Variants in SOX5 observed in about 807,000 individuals in gnomAD.
The protein encoded by SOX5 is transcription factor SOX-5.
In SOX5, 9 loss-of-function variants were observed where a neutral mutation model predicts 92.0. That is an observed-to-expected ratio of 0.10 (90% CI 0.06 to 0.17). SOX5 has a LOEUF of 0.17. Ranked by LOEUF, SOX5 falls within the 10% of genes least tolerant of loss-of-function variation. SOX5 has a pLI of 1.00. For missense variants in SOX5, 642 were observed against 944.5 expected (o/e 0.68, Z 4.20); for synonymous variants, 344 against 336.3 (o/e 1.02, Z -0.25).
At chr12:24,153,705 A>G (rs1003708916) in intron 4 of SOX5, among the ~76,000 whole-genome samples, 2 of 152,142 alleles carry the variant, frequency 1.3e-5, no homozygotes, top group African/African-American at 4.8e-5. Context: ...GACAGTAAAC[A>G]TACATCAACA....
chr12:23,921,457 G>C (rs561604340), intron 1 of SOX5, among the ~76,000 whole-genome samples: 1 of 151,964 alleles, frequency 6.6e-6, no homozygotes, highest in Non-Finnish European at 1.5e-5. Context: ...AAAAGAATTT[G>C]GTATTCCAAT....
intron 3 of SOX5, among the ~76,000 whole-genome samples, chr12:24,259,846 G>A (rs570554108): frequency 6.6e-6 from 1 of 152,258 alleles, no homozygotes; most frequent in South Asian, 2.1e-4. Flanking sequence ...GTATATCTTA[G>A]ATTCCATAAT....
chr12:24,351,280 A>G (rs1275560994), intron 2 of SOX5, among the ~76,000 whole-genome samples: 3 of 152,208 alleles, frequency 2.0e-5, no homozygotes, highest in Admixed American at 6.5e-5. Flanking sequence ...TCTGTACTTT[A>G]TCATCTGTAC....
chr12:23,678,118 T>A (rs1409291252), intron 6 of SOX5, among the ~76,000 whole-genome samples: 1 of 152,158 alleles, frequency 6.6e-6, no homozygotes, highest in Non-Finnish European at 1.5e-5. Flanking sequence ...CCATGGTAGA[T>A]GTTTCTTGAG....
chr12:23,732,529 G>C (rs2093430482), intron 6 of SOX5, among the ~76,000 whole-genome samples: 1 of 152,164 alleles, frequency 6.6e-6, no homozygotes, highest in Admixed American at 6.5e-5. Context: ...TTTGTTGCCT[G>C]AAAGGGTTTT....
At chr12:23,800,740 C>T (rs907393887) in intron 3 of SOX5, among the ~76,000 whole-genome samples, 6 of 152,002 alleles carry the variant, frequency 3.9e-5, no homozygotes, top group African/African-American at 1.2e-4. Flanking sequence ...ACTATGTTTA[C>T]AATAGTAACA....
At chr12:23,723,028 T>A (rs2092906796) in intron 6 of SOX5, among the ~76,000 whole-genome samples, 1 of 152,182 alleles carries the variant, frequency 6.6e-6, no homozygotes, top group African/African-American at 2.4e-5. Flanking sequence ...AGAAAAATTT[T>A]ATTGTTATCT....
At chr12:24,419,479 G>T (rs1272850056) in intron 1 of SOX5, among the ~76,000 whole-genome samples, 1 of 152,126 alleles carries the variant, frequency 6.6e-6, no homozygotes, top group African/African-American at 2.4e-5. Context: ...TTAGTGAAAA[G>T]AGTTCCTGAG....
intron 3 of SOX5, among the ~76,000 whole-genome samples, chr12:23,778,626 G>A (rs1003550096): frequency 1.3e-5 from 2 of 152,178 alleles, no homozygotes; most frequent in African/African-American, 4.8e-5. Context: ...ATTTAATCAG[G>A]AAATGTATAT....
chr12:23,551,378 TCTTG>T (rs1944185814), intron 11 of SOX5, among the ~76,000 whole-genome samples: 1 of 151,910 alleles, frequency 6.6e-6, no homozygotes, highest in Non-Finnish European at 1.5e-5. Flanking sequence ...CTCGTTTCAC[TCTTG>T]CTTATTAATA....
intron 6 of SOX5, among the ~76,000 whole-genome samples, chr12:23,721,107 C>T (rs912932110): frequency 9.9e-5 from 15 of 151,776 alleles, no homozygotes; most frequent in East Asian, 7.7e-4. Context: ...ATTTTTGAGA[C>T]GGAGTTTCAC....
intron 4 of SOX5, among the ~76,000 whole-genome samples, chr12:24,046,283 G>A (rs575018814): frequency 3.2e-4 from 48 of 152,246 alleles, no homozygotes; most frequent in African/African-American, 1.1e-3. Flanking sequence ...CTTGGGGCGG[G>A]TCTAAATTTT....
intron 1 of SOX5, among the ~76,000 whole-genome samples, chr12:23,944,988 C>T (rs1048038648): frequency 6.6e-6 from 1 of 152,174 alleles, no homozygotes; most frequent in African/African-American, 2.4e-5. Context: ...AAACAAAACT[C>T]ATCAGTTATA....
intron 4 of SOX5, among the ~76,000 whole-genome samples, chr12:23,753,941 A>T (rs1170928745): frequency 6.6e-6 from 1 of 151,808 alleles, no homozygotes; most frequent in Non-Finnish European, 1.5e-5. Context: ...CCTAATAACC[A>T]TGCCCTGAAC....
intron 1 of SOX5, among the ~76,000 whole-genome samples, chr12:24,559,503 T>A (rs891879915): frequency 6.6e-6 from 1 of 152,152 alleles, no homozygotes; most frequent in Non-Finnish European, 1.5e-5. Flanking sequence ...AATCAATGAT[T>A]ACTTATCACT....
chr12:24,532,540 G>A (rs534903719), intron 1 of SOX5, among the ~76,000 whole-genome samples: 1 of 152,294 alleles, frequency 6.6e-6, no homozygotes, highest in South Asian at 2.1e-4. Flanking sequence ...CCCTGAAAGG[G>A]GGAGACAAGA....
At chr12:24,110,817 C>G (rs548861367) in intron 4 of SOX5, among the ~76,000 whole-genome samples, 2 of 138,046 alleles carry the variant, frequency 1.4e-5, no homozygotes, top group East Asian at 4.6e-4. Flanking sequence ...GGAAGGATGG[C>G]GTGAACCCAG....
chr12:23,953,504 T>C (rs12819137), upstream of SOX5, among the ~76,000 whole-genome samples: 54,788 of 151,802 alleles, frequency 0.36, 10,795 homozygotes, highest in Non-Finnish European at 0.45. Flanking sequence ...TACTTTTGCA[T>C]TCACTTAACA....
At chr12:24,070,148 G>A (rs946707644) in intron 4 of SOX5, among the ~76,000 whole-genome samples, 1 of 152,022 alleles carries the variant, frequency 6.6e-6, no homozygotes, top group Non-Finnish European at 1.5e-5. Context: ...CTTCTCCTGC[G>A]ACCAGCTGTA....
Sources: gnomAD v4.1 joint callset for allele counts (sites outside exome capture counted in the v4.1 genomes callset) on GRCh38, gnomAD v4.1.1 for gene constraint, MANE v1.5 for transcripts, NCBI Gene and HGNC (gene_info 2026-07-23, HGNC 2026-07-21) for gene names.